GRM8: variants seen among roughly 807,000 people sequenced by gnomAD.
GRM8 encodes the protein metabotropic glutamate receptor 8.
In GRM8, 47 loss-of-function variants were observed where a neutral mutation model predicts 87.2. The ratio of observed to expected loss-of-function variants is 0.54; its 90% confidence interval spans 0.43 to 0.69. The LOEUF is 0.69. Among genes scored for constraint, GRM8 ranks in the 30% least tolerant of loss-of-function variants. The pLI is 0.00. For missense variants in GRM8, 1,019 were observed against 1,139.2 expected (o/e 0.89, Z 1.52); for synonymous variants, 396 against 404.5 (o/e 0.98, Z 0.25).
intron 7 of GRM8, among the ~76,000 whole-genome samples, chr7:126,703,233 A>C (rs1163753663): frequency 6.6e-6 from 1 of 152,206 alleles, no homozygotes; most frequent in African/African-American, 2.4e-5. Context: ...AGGGGTGAGG[A>C]AAAGGAGGAA....
At chr7:126,652,041 G>T (rs1012573695) in intron 7 of GRM8, among the ~76,000 whole-genome samples, 1 of 152,218 alleles carries the variant, frequency 6.6e-6, no homozygotes, top group African/African-American at 2.4e-5. Context: ...GTGACCAGTT[G>T]CAGAAACGAG....
intron 9 of GRM8, among the ~76,000 whole-genome samples, chr7:126,458,577 T>A (rs1003485366): frequency 2.0e-5 from 3 of 151,324 alleles, no homozygotes; most frequent in African/African-American, 7.3e-5. Context: ...GAAATTTGAT[T>A]ATACAATATA....
intron 8 of GRM8, among the ~76,000 whole-genome samples, chr7:126,545,934 T>C (rs1173237321): frequency 6.6e-6 from 1 of 152,188 alleles, no homozygotes; most frequent in African/African-American, 2.4e-5. Flanking sequence ...TAGGAGATGT[T>C]CTGTTCAGTG....
chr7:126,904,759 A>G, intron 3 of GRM8, 76 bp from the exon 4 acceptor site: 1 of 1,250,836 alleles, frequency 8.0e-7, no homozygotes, highest in Middle Eastern at 1.9e-4. Context: ...CCTACTTTAT[A>G]AAAGCACATA....
At chr7:126,650,787 A>G (rs1299883108) in intron 7 of GRM8, among the ~76,000 whole-genome samples, 1 of 151,882 alleles carries the variant, frequency 6.6e-6, no homozygotes, top group Admixed American at 6.6e-5. Flanking sequence ...CATTCAATGG[A>G]TACCACTCAG....
chr7:126,949,045 A>G (rs1327197274), intron 3 of GRM8, among the ~76,000 whole-genome samples: 2 of 152,260 alleles, frequency 1.3e-5, no homozygotes, highest in East Asian at 1.9e-4. Context: ...GTCCTCACCT[A>G]TCAAATGGAG....
chr7:126,918,654 T>G (rs1334813637), intron 3 of GRM8, among the ~76,000 whole-genome samples: 1 of 152,182 alleles, frequency 6.6e-6, no homozygotes, highest in Non-Finnish European at 1.5e-5. Context: ...TTTTAAAAAT[T>G]TATTCCTATT....
At chr7:126,677,375 A>AG (rs398040091) in intron 7 of GRM8, among the ~76,000 whole-genome samples, 4 of 150,058 alleles carry the variant, frequency 2.7e-5, no homozygotes, top group Non-Finnish European at 5.9e-5. Flanking sequence ...AAAAAAAAAA[A>AG]GCCATATCAA....
In GRM8 at chr7:126,653,497, C is replaced by T. The variant is rs193111880; in HGVS notation, c.1358-43999G>A. ...TCTCAAATTATATTAAATAAGGTAA[C>T]TACAACAGAAATAAGAAGAAAATTA... On this transcript the variant is annotated intron_variant, in intron 7 of 10. Transcript: ENST00000339582. Among the ~76,000 whole-genome samples, 452 of 152,156 alleles carry T rather than the reference C, an allele frequency of 3.0e-3. 1 individual carries two copies. Among genetic ancestry groups the T allele is most frequent in the Non-Finnish European group, 4.9e-3 (333 of 67,980 alleles).
intron 2 of GRM8, among the ~76,000 whole-genome samples, chr7:127,168,812 A>G (rs1793607202): frequency 6.6e-6 from 1 of 151,892 alleles, no homozygotes. Context: ...CCATGAGAAC[A>G]CATGGACACA....
intron 3 of GRM8, among the ~76,000 whole-genome samples, chr7:126,961,217 T>G (rs1809287371): frequency 6.6e-6 from 1 of 152,182 alleles, no homozygotes; most frequent in African/African-American, 2.4e-5. Context: ...GATTTTCTGG[T>G]TCATCCTAAA....
intron 5 of GRM8, among the ~76,000 whole-genome samples, 180 bp downstream of exon 5, chr7:126,903,792 T>C (rs1487852539): frequency 2.0e-5 from 3 of 147,152 alleles, no homozygotes; most frequent in African/African-American, 7.5e-5. Context: ...TATATATATA[T>C]ATATATATAT....
chr7:127,007,614 C>T (rs762921498), intron 3 of GRM8, among the ~76,000 whole-genome samples: 11 of 152,014 alleles, frequency 7.2e-5, no homozygotes, highest in East Asian at 5.8e-4. Flanking sequence ...ATAAATTTTT[C>T]GCATTTTTTG....
intron 6 of GRM8, among the ~76,000 whole-genome samples, chr7:126,788,420 A>AAAC (rs1554492202): frequency 2.5e-5 from 2 of 81,134 alleles, no homozygotes; most frequent in African/African-American, 9.2e-5. Context: ...AAAAAAAAAA[A>AAAC]AAACCCTTTC....
chr7:126,514,707 G>T (rs1811923962), intron 9 of GRM8, among the ~76,000 whole-genome samples: 1 of 151,846 alleles, frequency 6.6e-6, no homozygotes, highest in Admixed American at 6.6e-5. Context: ...TGTATATAGA[G>T]ATGAATAAGA....
At chr7:126,618,814 C>G (rs902817569) in intron 7 of GRM8, among the ~76,000 whole-genome samples, 1 of 152,124 alleles carries the variant, frequency 6.6e-6, no homozygotes, top group Non-Finnish European at 1.5e-5. Flanking sequence ...CAAATCAAAA[C>G]CACAATGAGA....
chr7:127,176,840 G>C (rs1794136865), intron 2 of GRM8, among the ~76,000 whole-genome samples: 1 of 152,192 alleles, frequency 6.6e-6, no homozygotes, highest in Admixed American at 6.5e-5. Context: ...GGAAGCAGCA[G>C]AAAGGCCTTG....
chr7:126,814,615 T>C (rs1308014512), intron 6 of GRM8, among the ~76,000 whole-genome samples: 3 of 152,216 alleles, frequency 2.0e-5, no homozygotes, highest in African/African-American at 7.2e-5. Flanking sequence ...TGCATTCTTG[T>C]TTGTTTTTCA....
At chr7:127,223,449 A>G (rs1005252975) in intron 2 of GRM8, among the ~76,000 whole-genome samples, 27 of 36,992 alleles carry the variant, frequency 7.3e-4, no homozygotes, top group South Asian at 3.3e-3. Context: ...ACACGCACAC[A>G]CACACACACA....
Sources: allele counts gnomAD v4.1 joint callset (sites outside exome capture counted in the v4.1 genomes callset), GRCh38; gene constraint gnomAD v4.1.1; transcripts MANE v1.5; gene names NCBI Gene and HGNC (gene_info 2026-07-23, HGNC 2026-07-21).